Variants in PLD5 observed in about 807,000 individuals in gnomAD.
PLD5 encodes phospholipase D family member 5.
Under a neutral mutation model 61.1 loss-of-function variants are expected in PLD5, and 36 were observed. The observed-to-expected ratio is 0.59, with a 90% CI of 0.45 to 0.78. PLD5 has a LOEUF of 0.78. PLD5 is among the 30% of genes least tolerant of loss of function. The pLI is 0.00. For missense variants in PLD5, 515 were observed against 644.4 expected (o/e 0.80, Z 2.17); for synonymous variants, 243 against 242.8 (o/e 1.00, Z -0.01).
At chr1:242,505,561 T>C (rs1668693786) in intron 1 of PLD5, among the ~76,000 whole-genome samples, 2 of 152,026 alleles carry the variant, frequency 1.3e-5, no homozygotes, top group South Asian at 2.1e-4. Context: ...CATGTGATTA[T>C]GATTTTATTG....
At chr1:242,312,757 C>T (rs1295557774) in intron 2 of PLD5, among the ~76,000 whole-genome samples, 1 of 152,224 alleles carries the variant, frequency 6.6e-6, no homozygotes, top group Non-Finnish European at 1.5e-5. Context: ...AGCAGGCCAT[C>T]ACATCCCCCA....
chr1:242,515,892 G>C (rs1317616985), intron 1 of PLD5, among the ~76,000 whole-genome samples: 5 of 152,194 alleles, frequency 3.3e-5, no homozygotes, highest in African/African-American at 1.2e-4. Flanking sequence ...TTCCAAAGCA[G>C]CTATGAATGA....
At chr1:242,098,452 C>A (rs1448438262) in intron 9 of PLD5, among the ~76,000 whole-genome samples, 1 of 152,120 alleles carries the variant, frequency 6.6e-6, no homozygotes, top group Admixed American at 6.6e-5. Flanking sequence ...TTGTAGTTAG[C>A]CATTCATCTA....
chr1:242,115,389 C>A (rs1375711599), intron 6 of PLD5, among the ~76,000 whole-genome samples: 2 of 152,066 alleles, frequency 1.3e-5, no homozygotes, highest in African/African-American at 2.4e-5. Flanking sequence ...ACTAACAAAT[C>A]TTTCCCCACC....
chr1:242,388,977 A>C (rs1264143777), intron 1 of PLD5, among the ~76,000 whole-genome samples: 3 of 151,808 alleles, frequency 2.0e-5, no homozygotes, highest in Non-Finnish European at 4.4e-5. Flanking sequence ...AAACAAAATA[A>C]AAATAGTTAA....
At chr1:242,340,272 CT>C (rs930191000) in intron 2 of PLD5, among the ~76,000 whole-genome samples, 8 of 152,008 alleles carry the variant, frequency 5.3e-5, no homozygotes, top group Admixed American at 5.2e-4. Flanking sequence ...CCTTCTTTTT[CT>C]TTTTTTAGGC....
At position 242,517,569 on chromosome 1, in the gene PLD5, G is replaced by A. The variant is rs562198648; in HGVS notation, c.189+6519C>T. Among the ~76,000 whole-genome samples, 152 of 152,216 alleles carry A rather than the reference G, an allele frequency of 1.0e-3. 2 individuals are homozygous for A. The highest frequency in any genetic ancestry group is 6.8e-3 in the Middle Eastern group (2 of 294). ...TGATACATTATCATTATGTATGACA[G>A]TATCCATTGCTTATTTTTTTTAAGT... On this transcript the variant is annotated intron_variant, in intron 1 of 9. Coordinates refer to ENST00000536534, the MANE Select transcript of PLD5 (RefSeq NM_001372062.1).
chr1:242,125,872 C>T (rs887835312), intron 5 of PLD5, among the ~76,000 whole-genome samples: 6 of 152,124 alleles, frequency 3.9e-5, no homozygotes, highest in East Asian at 1.9e-4. Flanking sequence ...GATCTGTCAT[C>T]GATTTCCAGC....
At chr1:242,129,747 A>C (rs1276189663) in intron 5 of PLD5, among the ~76,000 whole-genome samples, 1 of 152,184 alleles carries the variant, frequency 6.6e-6, no homozygotes, top group East Asian at 1.9e-4. Context: ...CATCACCTGG[A>C]TAGTATACAT....
intron 1 of PLD5, among the ~76,000 whole-genome samples, chr1:242,482,580 G>T (rs182513851): frequency 2.5e-3 from 379 of 152,340 alleles, no homozygotes; most frequent in African/African-American, 8.5e-3. Flanking sequence ...ATCTATGTCT[G>T]ATTGGTGTAC....
intron 3 of PLD5, among the ~76,000 whole-genome samples, chr1:242,277,036 A>AGGCTCTC (rs1236386806): frequency 6.6e-6 from 1 of 152,064 alleles, no homozygotes; most frequent in Non-Finnish European, 1.5e-5. Context: ...GCTGGTAACC[A>AGGCTCTC]GGCTCTCGGC....
At chr1:242,430,375 C>G (rs1354985881) in intron 1 of PLD5, among the ~76,000 whole-genome samples, 1 of 152,170 alleles carries the variant, frequency 6.6e-6, no homozygotes, top group African/African-American at 2.4e-5. Flanking sequence ...AAAAAGAGCT[C>G]TGGTCTCTCT....
intron 1 of PLD5, among the ~76,000 whole-genome samples, chr1:242,445,905 C>T (rs1489262556): frequency 6.6e-6 from 1 of 151,876 alleles, no homozygotes; most frequent in African/African-American, 2.4e-5. Context: ...TTCTCTCTAC[C>T]ATTCTAATTT....
chr1:242,484,226 A>C (rs1667880226), intron 1 of PLD5, among the ~76,000 whole-genome samples: 1 of 152,216 alleles, frequency 6.6e-6, no homozygotes, highest in African/African-American at 2.4e-5. Flanking sequence ...GAACTAAAGA[A>C]GATAGAGACA....
At chr1:242,205,067 T>A (rs1157519379) in intron 5 of PLD5, among the ~76,000 whole-genome samples, 1 of 152,194 alleles carries the variant, frequency 6.6e-6, no homozygotes, top group Non-Finnish European at 1.5e-5. Flanking sequence ...TGAAAAAAGC[T>A]GTGACCGGGA....
At chr1:242,108,635 G>C (rs1661248592) in intron 7 of PLD5, among the ~76,000 whole-genome samples, 1 of 152,112 alleles carries the variant, frequency 6.6e-6, no homozygotes, top group African/African-American at 2.4e-5. Context: ...AAAACAAAAA[G>C]CTTTCCTGTC....
At chr1:242,332,304 G>A (rs937473637) in intron 2 of PLD5, among the ~76,000 whole-genome samples, 75 of 152,262 alleles carry the variant, frequency 4.9e-4, no homozygotes, top group Admixed American at 1.1e-3. Flanking sequence ...CATGTGGGTT[G>A]GTTCCGAGTC....
intron 3 of PLD5, among the ~76,000 whole-genome samples, chr1:242,288,071 C>T (rs1227868981): frequency 6.6e-6 from 1 of 152,178 alleles, no homozygotes; most frequent in Non-Finnish European, 1.5e-5. Flanking sequence ...CAGAGATTAT[C>T]ATGTAAATAG....
intron 1 of PLD5, among the ~76,000 whole-genome samples, chr1:242,369,823 A>AACC (rs1661534078): frequency 6.6e-6 from 1 of 152,182 alleles, no homozygotes; most frequent in Non-Finnish European, 1.5e-5. Context: ...GCTGAGCACT[A>AACC]ACCACCACCA....
Sources: allele counts gnomAD v4.1 joint callset (sites outside exome capture counted in the v4.1 genomes callset), GRCh38; gene constraint gnomAD v4.1.1; transcripts MANE v1.5; gene names NCBI Gene and HGNC (gene_info 2026-07-23, HGNC 2026-07-21).